CCDC121: variants seen among roughly 807,000 people sequenced by gnomAD.
CCDC121 encodes the protein coiled-coil domain-containing protein 121.
For synonymous variants in CCDC121, 108 were observed against 120.0 expected (o/e 0.90, Z 0.65); for missense variants, 238 against 304.1 (o/e 0.78, Z 1.62).
intron 1 of CCDC121, chr2:27,628,620 C>T: frequency 6.4e-7 from 1 of 1,551,532 alleles, no homozygotes; most frequent in Non-Finnish European, 8.7e-7. Flanking sequence ...CTGGTCCAGC[C>T]CTGAACTGTT....
At chr2:27,628,190 AC>A (rs1188253540) in intron 1 of CCDC121, 3 of 636,654 alleles carry the variant, frequency 4.7e-6, no homozygotes, top group Admixed American at 2.9e-5. Flanking sequence ...CATGACTCAC[AC>A]CACTAGCAAG....
rs192643998 is a variant in CCDC121, at chr2:27,628,901, G to A, written c.-119+49C>T. 1,509 of 1,479,492 alleles carry A rather than the reference G, an allele frequency of 1.0e-3. 10 individuals are homozygous for A. In the African/African-American group the frequency reaches 0.014, roughly 14 times the overall value. 91.6% of individuals were successfully genotyped at this position (1,479,492 alleles called of 1,614,324 possible). Reference sequence around the variant, plus strand: ...GCCACTGTCACTAGTTGACTCATCAGCCCTGCCCGACGCTAAGAAGATGCC... The same window carrying A: ...GCCACTGTCACTAGTTGACTCATCAACCCTGCCCGACGCTAAGAAGATGCC... On this transcript the variant is annotated intron_variant, in intron 1 of 1. Transcript: ENST00000324364.
intron 1 of CCDC121, 127 bp downstream of exon 1, chr2:27,628,823 T>C (rs974761319): frequency 8.8e-6 from 13 of 1,481,436 alleles, no homozygotes; most frequent in Non-Finnish European, 1.2e-5. Flanking sequence ...TCAGCGCCCT[T>C]TTCCTAGCTC....
At position 27,626,933 on chromosome 2, in the gene CCDC121, G is replaced by A. The variant is rs375541854; in HGVS notation, c.*30C>T. 1.8e-5 allele frequency: 27 copies of A among 1,493,304 alleles called. No individual in the cohort carries two copies. Among genetic ancestry groups the A allele is most frequent in the African/African-American group, 4.2e-5 (3 of 71,834 alleles). 92.5% of individuals were successfully genotyped at this position (1,493,304 alleles called of 1,614,324 possible). A position where few individuals can be genotyped will look rare whatever the true frequency, so the allele number is the denominator to read the frequency against. On this transcript the variant is annotated 3_prime_UTR_variant, in exon 2 of 2. Transcript: ENST00000324364. Reference sequence around the variant, plus strand: ...GTAGCACTTAAGAGTACTTGCTCCAGTTCTTATTTAATCAGTGTTATTTTA... The same window carrying A: ...GTAGCACTTAAGAGTACTTGCTCCAATTCTTATTTAATCAGTGTTATTTTA...
At chr2:27,628,146 A>G (rs1238937030) in intron 1 of CCDC121, 2 of 622,938 alleles carry the variant, frequency 3.2e-6, no homozygotes, top group Non-Finnish European at 5.6e-6. Flanking sequence ...TTAAAAAAGG[A>G]GAAAACAGGT....
Position 27,627,250 on chromosome 2 carries a change from C to G in CCDC121, c.550G>C (p.Ala184Pro). Residue 184 changes from alanine to proline, a missense_variant, in exon 2 of 2, where the codon GCA becomes CCA. Physicochemically the swap from Ala to Pro is conservative, Grantham distance 27. Coordinates refer to ENST00000324364, the MANE Select transcript of CCDC121 (RefSeq NM_024584.5). Reference sequence around the variant, plus strand: ...GAGTATTCAAAAATAAACCGCTTTGCTGCCAACTTCAAGGCCTGGGCCTTC... The same window carrying G: ...GAGTATTCAAAAATAAACCGCTTTGGTGCCAACTTCAAGGCCTGGGCCTTC... ...NMKAQALKLAAKRFIFEYSCG... is the reference protein window; with the variant it reads ...NMKAQALKLAPKRFIFEYSCG... 6.2e-7 allele frequency: 1 copy of G among 1,613,986 alleles called. No individual in the cohort carries two copies. Among genetic ancestry groups the G allele is most frequent in the South Asian group, 1.1e-5 (1 of 91,076 alleles).
At position 27,626,787 on chromosome 2, in the gene CCDC121, T is replaced by A. The variant is rs1673290498; in HGVS notation, c.*176A>T. 1 of 536,752 alleles carries A rather than the reference T, an allele frequency of 1.9e-6. No individual in the cohort carries two copies. Among genetic ancestry groups the A allele is most frequent in the Admixed American group, 3.2e-5 (1 of 31,052 alleles). The allele number at this position is 536,752 out of a possible 1,614,324, so 33.2% of individuals were successfully genotyped here. A position where few individuals can be genotyped will look rare whatever the true frequency, so the allele number is the denominator to read the frequency against. On this transcript the variant is annotated 3_prime_UTR_variant, in exon 2 of 2. Coordinates refer to ENST00000324364, the MANE Select transcript of CCDC121 (RefSeq NM_024584.5). ...AAAGAAAAAGCTAGTTAAGGGAAGC[T>A]GGTTACCAAATATCTAGTAGGACTG... is the stretch of plus-strand genomic sequence containing the variant.
In CCDC121 at chr2:27,627,330, A is replaced by C. The variant is rs1279894358; in HGVS notation, c.470T>G (p.Leu157Arg). The C allele has an allele frequency of 6.2e-7, 1 of 1,613,696 alleles. No homozygotes were observed. The highest frequency in any genetic ancestry group is 8.5e-7 in the Non-Finnish European group (1 of 1,179,864). The part of the protein sequence containing the change: ...LQEKRLLEKQ[L>R]SEPDRRLLGK... ...CAGTAGCCTCCTGTCTGGCTCGCTC[A>C]GTTGTTTCTCCAGTAATCTTTTCTC... is the stretch of plus-strand genomic sequence containing the variant. Residue 157 changes from leucine (L) to arginine (R), a missense_variant, in exon 2 of 2, where the codon CTG becomes CGG. Coordinates refer to ENST00000324364, the MANE Select transcript of CCDC121 (RefSeq NM_024584.5).
In CCDC121 at chr2:27,627,306, A is replaced by G. The variant is rs200591865; in HGVS notation, c.494T>C (p.Leu165Pro). The change falls in exon 2 of 2, where the codon CTG becomes CCG. Residue 165 changes from leucine (L) to proline (P), a missense_variant. Coordinates refer to ENST00000324364, the MANE Select transcript of CCDC121 (RefSeq NM_024584.5). Reference protein sequence around the residue: ...KQLSEPDRRLLGKRKRRELNM... With the variant: ...KQLSEPDRRLPGKRKRRELNM... ...AAGCTCTCTTCTTTTTCTCTTTCCCAGTAGCCTCCTGTCTGGCTCGCTCAG... is the reference window on the plus strand; with the variant it reads ...AAGCTCTCTTCTTTTTCTCTTTCCCGGTAGCCTCCTGTCTGGCTCGCTCAG... 2.5e-6 allele frequency: 4 copies of G among 1,613,878 alleles called. No homozygotes were observed. Among genetic ancestry groups the G allele is most frequent in the South Asian group, 2.2e-5 (2 of 91,064 alleles).
Position 27,627,713 on chromosome 2 carries a change from C to T in CCDC121, c.87G>A (p.Lys29=), listed in dbSNP as rs1289585201. The T allele has an allele frequency of 1.2e-6, 2 of 1,613,940 alleles. No individual in the cohort carries two copies. The highest frequency in any genetic ancestry group is 1.7e-6 in the Non-Finnish European group (2 of 1,180,008). ...LEESRELHRE[K]LLVQAENRFF... ...ATCTGTTTTCAGCCTGGACAAGTAA[C>T]TTTTCTCGGTGTAGCTCCCTGGATT... is the stretch of plus-strand genomic sequence containing the variant. Residue 29 remains lysine (K), a synonymous_variant, in exon 2 of 2, where the codon AAG becomes AAA. Coordinates refer to ENST00000324364, the MANE Select transcript of CCDC121 (RefSeq NM_024584.5).
rs757104189 is a variant in CCDC121, at chr2:27,628,553, C to CA, written c.-119+396dup. 44 of 1,551,552 alleles carry CA rather than the reference C, an allele frequency of 2.8e-5. No homozygotes were observed. The East Asian group carries it at 1.0e-3, about 36-fold the overall frequency. On this transcript the variant is annotated intron_variant, in intron 1 of 1. Coordinates refer to ENST00000324364, the MANE Select transcript of CCDC121 (RefSeq NM_024584.5). Reference sequence around the variant, plus strand: ...TCCCGTAGTTTATTCGTTCGGTGCTCAAAGGGTCTCGGTGCTGCCCAGCAA... The same window carrying CA: ...TCCCGTAGTTTATTCGTTCGGTGCTCAAAAGGGTCTCGGTGCTGCCCAGCAA...
intron 1 of CCDC121, chr2:27,628,626 C>G (rs1439934464): frequency 1.3e-6 from 2 of 1,551,454 alleles, no homozygotes; most frequent in African/African-American, 2.7e-5. Context: ...CAGCCCTGAA[C>G]TGTTTAACCG....
At chr2:27,628,346 A>AC (rs1178706758) in intron 1 of CCDC121, 1 of 1,484,850 alleles carries the variant, frequency 6.7e-7, no homozygotes, top group Non-Finnish European at 9.0e-7. Flanking sequence ...TTTCTGAGGG[A>AC]CCTTCAGTGA....
Position 27,627,268 on chromosome 2 carries a change from G to C in CCDC121, c.532C>G (p.Gln178Glu), listed in dbSNP as rs371153217. ...CGCTTTGCTGCCAACTTCAAGGCCT[G>C]GGCCTTCATATTAAGCTCTCTTCTT... ...RKRRELNMKA[Q>E]ALKLAAKRFI... Residue 178 changes from glutamine to glutamate, a missense_variant, in exon 2 of 2, where the codon CAG (glutamine) becomes GAG (glutamate). Coordinates refer to ENST00000324364, the MANE Select transcript of CCDC121 (RefSeq NM_024584.5). The C allele has an allele frequency of 6.2e-7, 1 of 1,613,960 alleles. No individual in the cohort carries two copies. Among genetic ancestry groups the C allele is most frequent in the African/African-American group, 1.3e-5 (1 of 75,028 alleles).
chr2:27,628,747 T>C (rs1319943211), intron 1 of CCDC121: 106 of 1,547,536 alleles, frequency 6.8e-5, no homozygotes, highest in Non-Finnish European at 9.3e-5. Flanking sequence ...GTGTGAGCCC[T>C]GCCCTCGGGA....
In CCDC121 at chr2:27,627,410, T is replaced by A. The variant is rs148397371; in HGVS notation, c.390A>T (p.Lys130Asn). 385 of 1,614,086 alleles carry A rather than the reference T, an allele frequency of 2.4e-4. 6 individuals carry two copies. In the South Asian group the frequency reaches 4.0e-3, roughly 17 times the overall value. Reference sequence around the variant, plus strand: ...TCTTTGAAGCTGTCTCAGCTTGGACTTTCTTTGTCTCCTCCTGTAATGTCT... The same window carrying A: ...TCTTTGAAGCTGTCTCAGCTTGGACATTCTTTGTCTCCTCCTGTAATGTCT... ...EIQTLQEETK[K>N]VQAETASKTR... Residue 130 changes from lysine to asparagine, a missense_variant, in exon 2 of 2, where the codon AAA (lysine) becomes AAT (asparagine). Lys to Asn is a moderately conservative substitution (Grantham distance 94). Coordinates refer to ENST00000324364, the MANE Select transcript of CCDC121 (RefSeq NM_024584.5).
chr2:27,628,302 T>G, intron 1 of CCDC121: 2 of 1,255,740 alleles, frequency 1.6e-6, no homozygotes, highest in South Asian at 3.1e-5. Context: ...GGAGTAGAAA[T>G]AATTTTCTAG....
At position 27,627,345 on chromosome 2, in the gene CCDC121, A is replaced by C. The variant is rs767258483; in HGVS notation, c.455T>G (p.Leu152Ter). The change falls in exon 2 of 2, where the codon TTA (leucine) becomes TGA (stop). Residue 152 changes from leucine (L) to a stop codon, truncating the protein, a stop_gained. Transcript: ENST00000324364. LOFTEE classifies it low-confidence loss of function (END_TRUNC). ...TGGCTCGCTCAGTTGTTTCTCCAGT[A>C]ATCTTTTCTCCTGGAGGAGCTGGGC... ...VQAQLLQEKRLLEKQLSEPDR... is the reference protein window; with the variant it reads ...VQAQLLQEKR 6 of 1,613,820 alleles carry C rather than the reference A, an allele frequency of 3.7e-6. No homozygotes were observed. The East Asian group carries it at 1.1e-4, about 30-fold the overall frequency.
intron 1 of CCDC121, chr2:27,628,504 G>A: frequency 2.6e-6 from 4 of 1,551,502 alleles, no homozygotes; most frequent in Non-Finnish European, 3.5e-6. Flanking sequence ...CAACTCGCGG[G>A]AACAATGTGC....
Sources: gnomAD v4.1 joint callset for allele counts on GRCh38, gnomAD v4.1.1 for gene constraint, MANE v1.5 for transcripts, NCBI Gene and HGNC (gene_info 2026-07-23, HGNC 2026-07-21) for gene names.